ZFYVE9: variants seen among roughly 807,000 people sequenced by gnomAD.
The protein encoded by ZFYVE9 is zinc finger FYVE-type containing 9.
A neutral mutation model predicts 126.7 loss-of-function variants in ZFYVE9; 43 were observed. The ratio of observed to expected loss-of-function variants is 0.34; its 90% CI spans 0.27 to 0.44. The LOEUF (loss-of-function observed/expected upper bound fraction) is 0.44. ZFYVE9 is among the 20% of genes least tolerant of loss of function. ZFYVE9 has a pLI of 1.00. For missense variants in ZFYVE9, 1,476 were observed against 1,697.0 expected (o/e 0.87, Z 2.29); for synonymous variants, 521 against 597.4 (o/e 0.87, Z 1.87).
chr1:52,218,660 A>T (rs1270260272), intron 2 of ZFYVE9, among the ~76,000 whole-genome samples: 8 of 152,208 alleles, frequency 5.3e-5, no homozygotes, highest in Non-Finnish European at 1.0e-4. Flanking sequence ...GGAATATTTA[A>T]TCAATTCCAG....
intron 4 of ZFYVE9, 23 bp from the exon 5 acceptor site, chr1:52,263,750 T>TGGGGGGGGGGGGGGGGGGGG: frequency 8.9e-7 from 1 of 1,120,888 alleles, no homozygotes; most frequent in Non-Finnish European, 1.3e-6. Flanking sequence ...TTTTGTGTGT[T>TGGGGGGGGGGGGGGGGGGGG]CTTCCCCCCC....
chr1:52,293,347 C>T lies in ZFYVE9; in HGVS notation c.3026-106C>T. 4 of 1,029,672 alleles carry T rather than the reference C, an allele frequency of 3.9e-6. No individual in the cohort carries two copies. The South Asian group carries it at 5.5e-5, about 14-fold the overall frequency. The allele number at this position is 1,029,672 out of a possible 1,614,324, so 63.8% of individuals were successfully genotyped here. ...TGAGCCAAGATTGCGCCACTGCACT[C>T]CAGCCTGGGCAACAGCCAGACTCCG... is the stretch of plus-strand genomic sequence containing the variant. On this transcript the variant is annotated intron_variant, in intron 10 of 18. Transcript: ENST00000287727.
intron 1 of ZFYVE9, among the ~76,000 whole-genome samples, chr1:52,206,202 T>C (rs1644976484): frequency 6.6e-6 from 1 of 152,204 alleles, no homozygotes; most frequent in South Asian, 2.1e-4. Flanking sequence ...GGGTCTGTAA[T>C]TCATTCAACT....
rs114343313 is a variant in ZFYVE9, at chr1:52,199,395, C to T, written c.-142-16974C>T. 4.0e-3 allele frequency among the ~76,000 whole-genome samples: 610 copies of T among 152,296 alleles called. 12 individuals are homozygous for T. The South Asian group carries it at 0.044, about 11-fold the overall frequency. On this transcript the variant is annotated intron_variant, in intron 1 of 18. Coordinates refer to ENST00000287727, the MANE Select transcript of ZFYVE9 (RefSeq NM_004799.4). ...GATCTTTTTACTATTTCTGTAGTTT[C>T]GACTTTTCCAGAACGTCACATACTT...
chr1:52,239,521 G>T lies in ZFYVE9; in HGVS notation c.2104G>T (p.Ala702Ser). ...VAPVWVPDSQ[A>S]PNCMKCEARF... ...TCCAGTATGGGTACCGGATTCTCAGGCTCCAAATTGCATGAAATGTGAAGC... is the reference window on the plus strand; with the variant it reads ...TCCAGTATGGGTACCGGATTCTCAGTCTCCAAATTGCATGAAATGTGAAGC... Residue 702 changes from alanine (A) to serine (S), a missense_variant, in exon 4 of 19, where the codon GCT becomes TCT. By Grantham distance (99) the Ala-to-Ser change is moderately conservative. Transcript: ENST00000287727. 2 of 1,614,092 alleles carry T rather than the reference G, an allele frequency of 1.2e-6. No homozygotes were observed. Among genetic ancestry groups the T allele is most frequent in the Middle Eastern group, 1.6e-4 (1 of 6,062 alleles).
At chr1:52,285,490 C>T (rs1449413883) in intron 10 of ZFYVE9, among the ~76,000 whole-genome samples, 1 of 152,148 alleles carries the variant, frequency 6.6e-6, no homozygotes, top group Non-Finnish European at 1.5e-5. Context: ...TCTGCCTCCT[C>T]TCAGATCAGC....
intron 13 of ZFYVE9, among the ~76,000 whole-genome samples, chr1:52,323,332 C>T (rs529618906): frequency 2.0e-5 from 3 of 152,320 alleles, no homozygotes; most frequent in South Asian, 2.1e-4. Context: ...TCCCAGTCCT[C>T]CTTCCATGTT....
At position 52,268,429 on chromosome 1, in the gene ZFYVE9, A is replaced by G. The variant is rs1319089718; in HGVS notation, c.2456-34A>G. On this transcript the variant is annotated intron_variant, in intron 6 of 18. Coordinates refer to ENST00000287727, the MANE Select transcript of ZFYVE9 (RefSeq NM_004799.4). ...ATGTTAGAAAACCTTCCAATGCCAC[A>G]TTGATGCCTGTTTTATTTTTCTGGC... The G allele has an allele frequency of 4.4e-6, 7 of 1,598,858 alleles. No homozygotes were observed. The South Asian group carries it at 5.6e-5, about 13-fold the overall frequency.
At chr1:52,337,995 T>A in intron 16 of ZFYVE9, 61 bp downstream of exon 16, 9 of 1,551,024 alleles carry the variant, frequency 5.8e-6, no homozygotes, top group Non-Finnish European at 7.0e-6. Flanking sequence ...CTGGGTTTTG[T>A]CTGCTGTCTA....
intron 13 of ZFYVE9, among the ~76,000 whole-genome samples, chr1:52,312,113 T>G (rs1180960265): frequency 6.6e-6 from 1 of 152,168 alleles, no homozygotes; most frequent in Non-Finnish European, 1.5e-5. Context: ...CTTATTGAAC[T>G]TGTGTTACAA....
At chr1:52,304,011 A>T (rs1022115626) in intron 13 of ZFYVE9, 86 bp downstream of exon 13, 12 of 793,496 alleles carry the variant, frequency 1.5e-5, no homozygotes, top group East Asian at 3.3e-5. Flanking sequence ...AATTTTACTT[A>T]TAATTAATTA....
At chr1:52,180,425 ACTGT>A in intron 1 of ZFYVE9, 1 of 1,443,394 alleles carries the variant, frequency 6.9e-7, no homozygotes, top group Non-Finnish European at 9.7e-7. Context: ...TGCAGTGAAA[ACTGT>A]CTGAATCTGG....
At chr1:52,240,279 T>C (rs1645320423) in intron 4 of ZFYVE9, among the ~76,000 whole-genome samples, 1 of 152,186 alleles carries the variant, frequency 6.6e-6, no homozygotes, top group Non-Finnish European at 1.5e-5. Context: ...AGGAAGGAGA[T>C]TTTATATTTT....
At chr1:52,176,269 CCT>C (rs1644627416) in intron 1 of ZFYVE9, among the ~76,000 whole-genome samples, 1 of 152,154 alleles carries the variant, frequency 6.6e-6, no homozygotes, top group Non-Finnish European at 1.5e-5. Context: ...CACTCCAGAC[CCT>C]GTTTGCCTGG....
At chr1:52,309,023 A>G (rs934629050) in intron 13 of ZFYVE9, among the ~76,000 whole-genome samples, 16 of 152,258 alleles carry the variant, frequency 1.1e-4, no homozygotes, top group African/African-American at 3.9e-4. Flanking sequence ...GTAGATCTCT[A>G]GAGGATGAAT....
At chr1:52,301,088 G>T (rs1158680197) in intron 12 of ZFYVE9, among the ~76,000 whole-genome samples, 2 of 151,792 alleles carry the variant, frequency 1.3e-5, no homozygotes, top group African/African-American at 2.4e-5. Context: ...TTGAACTCCT[G>T]ACCTCAAGGG....
rs890896020 is a variant in ZFYVE9, at chr1:52,157,034, G to A, written c.-143+14631G>A. Among the ~76,000 whole-genome samples, 9 of 151,982 alleles carry A rather than the reference G, an allele frequency of 5.9e-5. No homozygotes were observed. In the East Asian group the frequency reaches 9.7e-4, roughly 16 times the overall value. On this transcript the variant is annotated intron_variant, in intron 1 of 18. Transcript: ENST00000287727. Reference sequence around the variant, plus strand: ...TTTTTAGTAGAGACGGGGTTTCACCGTGTTAGCCAGGATGGTCTTGATCTC... The same window carrying A: ...TTTTTAGTAGAGACGGGGTTTCACCATGTTAGCCAGGATGGTCTTGATCTC...
chr1:52,173,644 G>C (rs1393721069), intron 1 of ZFYVE9, among the ~76,000 whole-genome samples: 2 of 152,030 alleles, frequency 1.3e-5, no homozygotes, highest in Admixed American at 6.6e-5. Context: ...GACTCTTTTT[G>C]GTTGGTAAGC....
chr1:52,182,696 C>A (rs1644723283), intron 1 of ZFYVE9, among the ~76,000 whole-genome samples: 1 of 151,948 alleles, frequency 6.6e-6, no homozygotes, highest in African/African-American at 2.4e-5. Context: ...CACTATTGTC[C>A]TGTGACCCAG....
Sources: gnomAD v4.1 joint callset for allele counts (sites outside exome capture counted in the v4.1 genomes callset) on GRCh38, gnomAD v4.1.1 for gene constraint, MANE v1.5 for transcripts, NCBI Gene and HGNC (gene_info 2026-07-23, HGNC 2026-07-21) for gene names.